TGM7: variants seen among roughly 807,000 people sequenced by gnomAD.
TGM7 encodes protein-glutamine gamma-glutamyltransferase Z.
Under a neutral mutation model 79.5 loss-of-function variants are expected in TGM7, and 74 were observed. That is an observed-to-expected ratio of 0.93 (90% CI 0.77 to 1.13). The LOEUF is 1.13. TGM7 is among the 50% of genes most tolerant of loss of function. The pLI, the probability that TGM7 is intolerant of heterozygous loss-of-function variation, is 0.00. For missense variants in TGM7, 912 were observed against 905.9 expected (o/e 1.01, Z -0.09); for synonymous variants, 354 against 362.5 (o/e 0.98, Z 0.27).
intron 2 of TGM7, 89 bp downstream of exon 2, chr15:43,293,360 G>A (rs963275545): frequency 2.0e-5 from 30 of 1,465,434 alleles, no homozygotes; most frequent in Non-Finnish European, 2.4e-5. Flanking sequence ...GGGCAGCTCA[G>A]GTGGGAAAGG....
chr15:43,293,706 C>G, intron 1 of TGM7, 75 bp from the exon 2 acceptor site: 1 of 1,040,666 alleles, frequency 9.6e-7, no homozygotes, highest in Non-Finnish European at 1.2e-6. Context: ...GCTTCTCAGT[C>G]ATTTCTGGGA....
chr15:43,302,158 C>T, intron 1 of TGM7, 83 bp downstream of exon 1: 1 of 1,543,426 alleles, frequency 6.5e-7, no homozygotes, highest in Non-Finnish European at 9.0e-7. Flanking sequence ...CCTGTCGCTT[C>T]CCTACATCCT....
At chr15:43,295,195 T>A (rs1331202306) in intron 1 of TGM7, among the ~76,000 whole-genome samples, 2 of 152,252 alleles carry the variant, frequency 1.3e-5, no homozygotes, top group Non-Finnish European at 2.9e-5. Context: ...AGTCTTCATC[T>A]AAGTAATCAG....
intron 1 of TGM7, 83 bp from the exon 2 acceptor site, chr15:43,293,714 G>C: frequency 8.9e-7 from 1 of 1,120,556 alleles, no homozygotes; most frequent in Non-Finnish European, 1.1e-6. Context: ...GTCATTTCTG[G>C]GAGGTGCGGC....
intron 1 of TGM7, among the ~76,000 whole-genome samples, chr15:43,293,972 A>G (rs1280218314): frequency 6.6e-6 from 1 of 150,874 alleles, no homozygotes; most frequent in African/African-American, 2.4e-5. Context: ...GGTGAATTCC[A>G]TGTCTGGACC....
intron 6 of TGM7, among the ~76,000 whole-genome samples, chr15:43,285,984 C>T (rs1415732839): frequency 6.6e-6 from 1 of 152,100 alleles, no homozygotes; most frequent in East Asian, 1.9e-4. Context: ...GAGGTTTATC[C>T]CACTATCTCC....
intron 4 of TGM7, among the ~76,000 whole-genome samples, chr15:43,288,104 G>C (rs2042945226): frequency 6.6e-6 from 1 of 152,194 alleles, no homozygotes; most frequent in African/African-American, 2.4e-5. Flanking sequence ...AGCAGAAAAA[G>C]TCTAGAGATC....
At chr15:43,287,487 A>G in intron 5 of TGM7, 30 bp from the exon 6 acceptor site, 2 of 1,613,156 alleles carry the variant, frequency 1.2e-6, no homozygotes, top group African/African-American at 2.7e-5. Context: ...GGGTTTCCAC[A>G]GCTCCCGGGG....
chr15:43,276,518 G>A lies in TGM7; in HGVS notation c.2070C>T (p.Ser690=). 6.2e-7 allele frequency: 1 copy of A among 1,614,206 alleles called. No individual in the cohort carries two copies. The highest frequency in any genetic ancestry group is 2.2e-5 in the East Asian group (1 of 44,886). ...AGCCTTTGATCTCCTTGACCTCGTT[G>A]CTGCTGATGAGAACCTGGAGCTGGC... is the stretch of plus-strand genomic sequence containing the variant. ...GPRQLQVLIS[S]NEVKEIKGYK... Residue 690 remains serine (S), a synonymous_variant, in exon 13 of 13, where the codon AGC becomes AGT. Coordinates refer to ENST00000452443, the MANE Select transcript of TGM7 (RefSeq NM_052955.3).
At chr15:43,279,350 AG>A in intron 10 of TGM7, 73 bp from the exon 11 acceptor site, 1 of 1,508,312 alleles carries the variant, frequency 6.6e-7, no homozygotes, top group East Asian at 2.3e-5. Flanking sequence ...GATGTGAGAG[AG>A]GAAAAATTAG....
At chr15:43,286,915 T>A (rs999381572) in intron 6 of TGM7, among the ~76,000 whole-genome samples, 11 of 152,194 alleles carry the variant, frequency 7.2e-5, no homozygotes, top group African/African-American at 2.7e-4. Context: ...GTCAGCTATC[T>A]CACGCCATCT....
chr15:43,287,657 T>C lies in TGM7; in HGVS notation c.571A>G (p.Ile191Val). The change falls in exon 5 of 13, where the codon ATC becomes GTC. Residue 191 changes from isoleucine (I) to valine (V), a missense_variant. By Grantham distance (29) the Ile-to-Val change is conservative. Coordinates refer to ENST00000452443, the MANE Select transcript of TGM7 (RefSeq NM_052955.3). ...AGGATCTCAAAGCAGATGTCTATGA[T>C]GTCCTCTTCAAACTTCCAAGTGATT... ...PWNYGQFEEDIIDICFEILNK... is the reference protein window; with the variant it reads ...PWNYGQFEEDVIDICFEILNK... 1 of 1,610,824 alleles carries C rather than the reference T, an allele frequency of 6.2e-7. No individual in the cohort carries two copies. The highest frequency in any genetic ancestry group is 8.5e-7 in the Non-Finnish European group (1 of 1,179,216).
At position 43,290,107 on chromosome 15, in the gene TGM7, T is replaced by G. The variant is rs533961084; in HGVS notation, c.558+1872A>C. ...GTCGATTTTGGCTTTTGTTGCCATT[T>G]CTTTTGGGGTTTTAGACATGAAGTC... On this transcript the variant is annotated intron_variant, in intron 4 of 12. Transcript: ENST00000452443. 3.7e-3 allele frequency among the ~76,000 whole-genome samples: 569 copies of G among 152,280 alleles called. 3 individuals are homozygous for G. The highest frequency in any genetic ancestry group is 0.013 in the African/African-American group (537 of 41,548).
At chr15:43,297,485 A>G (rs748128760) in intron 1 of TGM7, among the ~76,000 whole-genome samples, 7 of 147,808 alleles carry the variant, frequency 4.7e-5, no homozygotes, top group South Asian at 2.1e-4. Flanking sequence ...GAAAGAGAGA[A>G]AGAGAAAGAA....
chr15:43,291,950 C>T, intron 4 of TGM7, 29 bp downstream of exon 4: 1 of 1,573,774 alleles, frequency 6.4e-7, no homozygotes. Flanking sequence ...GGGAGCCCAC[C>T]CCAGGCCCAC....
intron 4 of TGM7, among the ~76,000 whole-genome samples, chr15:43,289,278 G>T (rs986410983): frequency 1.3e-5 from 2 of 152,032 alleles, no homozygotes; most frequent in African/African-American, 4.8e-5. Flanking sequence ...TGTTCTCATT[G>T]TTCAATTCCC....
rs760647283 is a variant in TGM7, at chr15:43,279,703, G to C, written c.1600C>G (p.Gln534Glu). 6.2e-7 allele frequency: 1 copy of C among 1,613,996 alleles called. No homozygotes were observed. Among genetic ancestry groups the C allele is most frequent in the Admixed American group, 1.7e-5 (1 of 60,028 alleles). The change falls in exon 10 of 13, where the codon CAG (glutamine) becomes GAG (glutamate). Residue 534 changes from glutamine to glutamate, a missense_variant. Gln to Glu is a conservative substitution (Grantham distance 29, BLOSUM62 2). Coordinates refer to ENST00000452443, the MANE Select transcript of TGM7 (RefSeq NM_052955.3). The stretch of plus-strand genomic sequence containing the variant: ...GTACCACCCCCATGCAGCAGGGCCT[G>C]TGCACAGAAGCGCACCACCAGTCCG... Reference protein sequence around the residue: ...PIGLVVRFCAQALLHGGGTQK... With the variant: ...PIGLVVRFCAEALLHGGGTQK...
intron 1 of TGM7, among the ~76,000 whole-genome samples, chr15:43,300,524 G>A (rs915451363): frequency 5.9e-5 from 9 of 152,176 alleles, no homozygotes; most frequent in East Asian, 1.9e-4. Context: ...ATGAAAGGCC[G>A]GGCGCGGTGG....
At chr15:43,283,347 C>T (rs1301031869) in intron 7 of TGM7, among the ~76,000 whole-genome samples, 3 of 152,222 alleles carry the variant, frequency 2.0e-5, no homozygotes, top group African/African-American at 4.8e-5. Context: ...ATGTGGTACG[C>T]GATGCCGTCT....
Sources: gnomAD v4.1 joint callset for allele counts (sites outside exome capture counted in the v4.1 genomes callset) on GRCh38, gnomAD v4.1.1 for gene constraint, MANE v1.5 for transcripts, NCBI Gene and HGNC (gene_info 2026-07-23, HGNC 2026-07-21) for gene names.